The following PDE10A variants were observed in gnomAD, a reference collection of about 807,000 sequenced individuals.
The protein encoded by PDE10A is cAMP and cAMP-inhibited cGMP 3',5'-cyclic phosphodiesterase 10A.
PDE10A carries 39 observed loss-of-function variants against 97.7 expected under a neutral mutation model. That is an observed-to-expected ratio of 0.40 (90% CI 0.31 to 0.52). The LOEUF (loss-of-function observed/expected upper bound fraction) is 0.52, where lower values mean the gene tolerates loss of function less well. Among genes scored for constraint, PDE10A ranks in the 20% least tolerant of loss-of-function variants. PDE10A has a pLI of 0.56. For missense variants in PDE10A, 731 were observed against 1,047.8 expected (o/e 0.70, Z 4.17); for synonymous variants, 371 against 376.8 (o/e 0.98, Z 0.18).
At chr6:165,907,735 T>G (rs1047539978) in intron 1 of PDE10A, among the ~76,000 whole-genome samples, 3 of 151,802 alleles carry the variant, frequency 2.0e-5, no homozygotes, top group African/African-American at 7.3e-5. Flanking sequence ...CCTGCAGCAG[T>G]GGGGAAAGGA....
rs1359773885 is a variant in PDE10A, at chr6:165,985,861, A to T, written c.-615+1668T>A. Among the ~76,000 whole-genome samples, 3 of 105,708 alleles carry T rather than the reference A, an allele frequency of 2.8e-5. No homozygotes were observed. The East Asian group carries it at 9.3e-4, about 33-fold the overall frequency. The allele number at this position is 105,708 out of a possible 152,430, so 69.3% of individuals were successfully genotyped here. On this transcript the variant is annotated intron_variant, in intron 1 of 19. Transcript: ENST00000366882. Reference sequence around the variant, plus strand: ...CACCCCACCCTCCCTTCTTCCCCACACAGCTTCAAGTCCACGCAGATCTGG... The same window carrying T: ...CACCCCACCCTCCCTTCTTCCCCACTCAGCTTCAAGTCCACGCAGATCTGG...
At chr6:165,924,020 C>T (rs1782842312) in intron 1 of PDE10A, among the ~76,000 whole-genome samples, 1 of 152,136 alleles carries the variant, frequency 6.6e-6, no homozygotes, top group Non-Finnish European at 1.5e-5. Flanking sequence ...ACCTCTACAA[C>T]AACAATAACA....
intron 1 of PDE10A, among the ~76,000 whole-genome samples, chr6:165,766,697 C>G (rs1230341221): frequency 6.6e-6 from 1 of 152,194 alleles, no homozygotes; most frequent in Admixed American, 6.5e-5. Flanking sequence ...GTCAGCAGAC[C>G]TGCAGGCTCA....
chr6:165,633,403 C>A (rs944175963), intron 1 of PDE10A, among the ~76,000 whole-genome samples: 8 of 152,148 alleles, frequency 5.3e-5, no homozygotes, highest in African/African-American at 1.7e-4. Context: ...ATTAACTTTT[C>A]TTTACCTATA....
chr6:165,806,483 C>T lies in PDE10A; in HGVS notation c.-615+181046G>A, dbSNP rs745341866. ...TCCTCAACTATTTCACGCTGTGCTG[C>T]GCAGCCTGTGCCCTGTCTCCACAGT... On this transcript the variant is annotated intron_variant, in intron 1 of 19. Transcript: ENST00000366882. 9.9e-5 allele frequency among the ~76,000 whole-genome samples: 15 copies of T among 152,218 alleles called. No homozygotes were observed. In the South Asian group the frequency reaches 1.0e-3, roughly 10 times the overall value.
chr6:165,518,685 A>T (rs1279558470), intron 2 of PDE10A, among the ~76,000 whole-genome samples: 1 of 152,238 alleles, frequency 6.6e-6, no homozygotes, highest in Non-Finnish European at 1.5e-5. Context: ...ATAAGGAAAG[A>T]AAAAACAATT....
At chr6:165,509,970 C>G (rs904948161) in intron 2 of PDE10A, among the ~76,000 whole-genome samples, 2 of 151,954 alleles carry the variant, frequency 1.3e-5, no homozygotes, top group African/African-American at 4.8e-5. Context: ...TACAAGTTTT[C>G]TGACGGTGTC....
upstream of PDE10A, among the ~76,000 whole-genome samples, chr6:165,667,772 T>C (rs926437684): frequency 3.9e-5 from 6 of 152,166 alleles, no homozygotes; most frequent in African/African-American, 1.4e-4. Context: ...CTCTGCATAA[T>C]GGCCGTATGT....
intron 1 of PDE10A, among the ~76,000 whole-genome samples, chr6:165,670,550 C>T (rs775120209): frequency 2.6e-5 from 4 of 152,204 alleles, no homozygotes; most frequent in Non-Finnish European, 5.9e-5. Flanking sequence ...TGATTAAAAA[C>T]TTGGAATTGA....
chr6:165,388,527 A>G lies in PDE10A; in HGVS notation c.2455-74T>C. ...ATGAGCAGACTTACCGCTTACATTC[A>G]TGTCACATTACTTTCTGGCATTAAT... is the stretch of plus-strand genomic sequence containing the variant. On this transcript the variant is annotated intron_variant, in intron 16 of 21. Coordinates refer to ENST00000539869, the MANE Select transcript of PDE10A (RefSeq NM_001385079.1). The surrounding 1 kb of genome is among the most constrained non-coding windows in gnomAD (Gnocchi z 4.0). 2.2e-6 allele frequency: 3 copies of G among 1,336,222 alleles called. No individual in the cohort carries two copies. Among genetic ancestry groups the G allele is most frequent in the African/African-American group, 2.9e-5 (2 of 69,790 alleles). 82.8% of individuals were successfully genotyped at this position (1,336,222 alleles called of 1,614,324 possible). A position where few individuals can be genotyped will look rare whatever the true frequency, so the allele number is the denominator to read the frequency against.
At chr6:165,343,914 A>T (rs905948581) in intron 18 of PDE10A, among the ~76,000 whole-genome samples, 5 of 152,220 alleles carry the variant, frequency 3.3e-5, no homozygotes, top group African/African-American at 9.6e-5. Context: ...ATTTTATATT[A>T]GCAAAGTCTG....
chr6:165,452,136 C>T (rs1791341109), intron 3 of PDE10A, among the ~76,000 whole-genome samples: 1 of 152,202 alleles, frequency 6.6e-6, no homozygotes, highest in Non-Finnish European at 1.5e-5. Flanking sequence ...TGAATATATA[C>T]CTGGCTCTGG....
intron 1 of PDE10A, among the ~76,000 whole-genome samples, chr6:165,690,509 C>G (rs1295754400): frequency 6.6e-6 from 1 of 152,188 alleles, no homozygotes; most frequent in Admixed American, 6.5e-5. Flanking sequence ...AATGGCAACT[C>G]TGGTCATGCC....
intron 1 of PDE10A, among the ~76,000 whole-genome samples, chr6:165,731,972 A>G (rs1792448443): frequency 6.6e-6 from 1 of 152,178 alleles, no homozygotes; most frequent in Non-Finnish European, 1.5e-5. Context: ...TACTTTTGGC[A>G]GAGAATATTA....
chr6:165,677,789 G>A lies in PDE10A; in HGVS notation c.-614-134221C>T, dbSNP rs979941699. Among the ~76,000 whole-genome samples, 99 of 152,112 alleles carry A rather than the reference G, an allele frequency of 6.5e-4. 2 individuals carry two copies. Among genetic ancestry groups the A allele is most frequent in the South Asian group, 8.3e-4 (4 of 4,810 alleles). ...TGTGTTTGTGTGTGTGTGTAAATGC[G>A]GGTATATTTGTATATGCATGTGTTT... On this transcript the variant is annotated intron_variant, in intron 1 of 19. Transcript: ENST00000366882.
At chr6:165,432,522 T>C (rs1789666822) in intron 7 of PDE10A, among the ~76,000 whole-genome samples, 1 of 152,224 alleles carries the variant, frequency 6.6e-6, no homozygotes, top group Non-Finnish European at 1.5e-5. Flanking sequence ...CTGGATGTGA[T>C]AAATGTATCA....
chr6:165,871,446 G>A (rs375709319), intron 1 of PDE10A, among the ~76,000 whole-genome samples: 2 of 152,184 alleles, frequency 1.3e-5, no homozygotes, highest in African/African-American at 4.8e-5. Flanking sequence ...CTGGTGAGGT[G>A]AATGCAGGGG....
intron 1 of PDE10A, among the ~76,000 whole-genome samples, chr6:165,978,737 T>C (rs1784920036): frequency 6.6e-6 from 1 of 152,210 alleles, no homozygotes; most frequent in South Asian, 2.1e-4. Context: ...ACTGGGGACA[T>C]TTGAATATGT....
At chr6:165,628,246 A>G (rs1788475223) in intron 1 of PDE10A, among the ~76,000 whole-genome samples, 1 of 152,234 alleles carries the variant, frequency 6.6e-6, no homozygotes, top group South Asian at 2.1e-4. Context: ...AATAGTTATT[A>G]CCACCTCACA....
Sources: gnomAD v4.1 joint callset for allele counts (sites outside exome capture counted in the v4.1 genomes callset) on GRCh38, gnomAD v4.1.1 for gene constraint, Gnocchi (gnomAD v3.1) non-coding constraint, MANE v1.5 for transcripts, NCBI Gene and HGNC (gene_info 2026-07-23, HGNC 2026-07-21) for gene names.